WDFY3: variants seen among roughly 807,000 people sequenced by gnomAD.
The protein encoded by WDFY3 is WD repeat and FYVE domain-containing protein 3.
In WDFY3, 66 loss-of-function variants were observed where a neutral mutation model predicts 409.6. The ratio of observed to expected loss-of-function variants is 0.16; its 90% CI spans 0.13 to 0.20. WDFY3 has a LOEUF of 0.20. Among genes scored for constraint, WDFY3 ranks in the 10% least tolerant of loss-of-function variants. WDFY3 has a pLI of 1.00. For synonymous variants in WDFY3, 1,521 were observed against 1,537.1 expected (o/e 0.99, Z 0.25); for missense variants, 3,031 against 4,298.1 (o/e 0.71, Z 8.24).
intron 1 of WDFY3, among the ~76,000 whole-genome samples, chr4:84,963,996 A>T (rs1775277306): frequency 6.6e-6 from 1 of 152,274 alleles, no homozygotes; most frequent in African/African-American, 2.4e-5. Context: ...TTAGCTTTCC[A>T]AATATGGAAT....
At chr4:84,739,337 G>A (rs1395439479) in intron 39 of WDFY3, 2 of 466,996 alleles carry the variant, frequency 4.3e-6, no homozygotes, top group African/African-American at 3.9e-5. Flanking sequence ...ATAGCATCAA[G>A]ATTATTACCT....
intron 67 of WDFY3, among the ~76,000 whole-genome samples, chr4:84,676,431 A>G (rs530296709): frequency 6.6e-6 from 1 of 152,316 alleles, no homozygotes; most frequent in Non-Finnish European, 1.5e-5. Flanking sequence ...AGTATTAACT[A>G]GCACTACTGT....
intron 31 of WDFY3, 28 bp from the exon 32 acceptor site, chr4:84,766,055 C>T (rs773671884): frequency 1.3e-6 from 2 of 1,580,514 alleles, no homozygotes; most frequent in East Asian, 4.5e-5. Flanking sequence ...ATTTAAAAAA[C>T]AAAAAACAAA....
chr4:84,896,247 T>A (rs1169944202), intron 3 of WDFY3, among the ~76,000 whole-genome samples: 3 of 151,504 alleles, frequency 2.0e-5, no homozygotes, highest in South Asian at 2.1e-4. Context: ...AGAGCGACAC[T>A]ACATCTCAAA....
chr4:84,868,993 C>T (rs894876134), intron 3 of WDFY3, among the ~76,000 whole-genome samples: 10 of 152,122 alleles, frequency 6.6e-5, no homozygotes, highest in Admixed American at 3.3e-4. Flanking sequence ...GCAATACTTC[C>T]GTAAAATGTG....
intron 59 of WDFY3, among the ~76,000 whole-genome samples, 182 bp from the exon 60 acceptor site, chr4:84,691,967 G>A (rs1729345918): frequency 6.6e-6 from 1 of 152,216 alleles, no homozygotes; most frequent in Admixed American, 6.5e-5. Flanking sequence ...TGGGTGGAAT[G>A]TTCAACCTAA....
At chr4:84,753,463 G>A (rs778610485) in intron 35 of WDFY3, among the ~76,000 whole-genome samples, 4 of 152,162 alleles carry the variant, frequency 2.6e-5, no homozygotes, top group African/African-American at 4.8e-5. Flanking sequence ...CAAGAATATG[G>A]TGAATGAGAA....
intron 64 of WDFY3, among the ~76,000 whole-genome samples, chr4:84,681,794 T>A (rs908382513): frequency 1.3e-5 from 2 of 152,210 alleles, no homozygotes; most frequent in African/African-American, 2.4e-5. Flanking sequence ...ATTATGGCAT[T>A]GCTTTCAGTT....
At chr4:84,706,118 T>C (rs1054352024) in intron 53 of WDFY3, among the ~76,000 whole-genome samples, 9 of 152,208 alleles carry the variant, frequency 5.9e-5, no homozygotes, top group African/African-American at 1.9e-4. Context: ...TAAAAGTTGA[T>C]GAGTTGACCT....
At chr4:84,694,500 C>T (rs1729784468) in intron 58 of WDFY3, among the ~76,000 whole-genome samples, 1 of 152,232 alleles carries the variant, frequency 6.6e-6, no homozygotes. Flanking sequence ...TTTTTATGTT[C>T]AGAATATGTA....
intron 19 of WDFY3, 131 bp downstream of exon 19, chr4:84,796,390 C>T (rs1386920538): frequency 3.8e-6 from 2 of 531,772 alleles, no homozygotes; most frequent in African/African-American, 3.9e-5. Flanking sequence ...GCTCAAAAAA[C>T]TCAATAATTA....
chr4:84,769,895 A>G (rs1191497666), intron 30 of WDFY3, among the ~76,000 whole-genome samples: 2 of 152,156 alleles, frequency 1.3e-5, no homozygotes, highest in African/African-American at 2.4e-5. Flanking sequence ...CTCAACCTTC[A>G]GCAACCACCA....
At chr4:84,851,662 T>TCAAATC (rs1759026432) in intron 4 of WDFY3, among the ~76,000 whole-genome samples, 2 of 152,122 alleles carry the variant, frequency 1.3e-5, no homozygotes, top group South Asian at 4.1e-4. Context: ...GGCTCAAAGA[T>TCAAATC]ACAGAAGAGA....
Position 84,794,589 on chromosome 4 carries a change from A to C in WDFY3, c.3417T>G (p.Leu1139=). The change falls in exon 21 of 68, where the codon CTT becomes CTG. Residue 1139 remains leucine, a synonymous_variant. Transcript: ENST00000295888. The part of the protein sequence containing the change: ...ANSSEQHYVC[L]AIVLSAKDRS... ...GGTCTTTTGCTGATAGAACTATTGC[A>C]AGGCACACGTAATGTTGCTCAGAAG... is the stretch of plus-strand genomic sequence containing the variant. The C allele has an allele frequency of 6.2e-7, 1 of 1,614,148 alleles. No individual in the cohort carries two copies. The highest frequency in any genetic ancestry group is 1.1e-5 in the South Asian group (1 of 91,080).
At chr4:84,679,601 C>T (rs1304506887) in intron 64 of WDFY3, among the ~76,000 whole-genome samples, 1 of 152,092 alleles carries the variant, frequency 6.6e-6, no homozygotes, top group Non-Finnish European at 1.5e-5. Context: ...CAAAGGTGAG[C>T]TTCTTCACAT....
intron 1 of WDFY3, among the ~76,000 whole-genome samples, chr4:84,963,801 G>C (rs1361434678): frequency 1.3e-5 from 2 of 152,180 alleles, no homozygotes; most frequent in East Asian, 1.9e-4. Context: ...TGGCCCACCA[G>C]TGTTTGTATG....
Position 84,753,924 on chromosome 4 carries a change from T to C in WDFY3, c.5560-48A>G, listed in dbSNP as rs780761906. The C allele has an allele frequency of 3.4e-6, 5 of 1,463,922 alleles. No homozygotes were observed. The Admixed American group carries it at 1.3e-4, about 38-fold the overall frequency. The allele number at this position is 1,463,922 out of a possible 1,614,324, so 90.7% of individuals were successfully genotyped here. A position where few individuals can be genotyped will look rare whatever the true frequency, so the allele number is the denominator to read the frequency against. ...AACACTATGTTACAGTTATTGACAC[T>C]GCTATAAATTATTTTAAAAATCCAT... On this transcript the variant is annotated intron_variant, in intron 34 of 67. Transcript: ENST00000295888.
intron 19 of WDFY3, among the ~76,000 whole-genome samples, chr4:84,796,264 T>C (rs1464466037): frequency 3.3e-5 from 5 of 150,792 alleles, no homozygotes; most frequent in Non-Finnish European, 7.4e-5. Flanking sequence ...TTTGCAAAAG[T>C]GTTACTAACA....
rs1225552694 is a variant in WDFY3, at chr4:84,803,370, C to A, written c.2527G>T (p.Asp843Tyr). The part of the protein sequence containing the change: ...HVTTSSLQSS[D>Y]AVIIHPGAML... ...GCTCCAGGATGAATGATGACTGCATCAGAACTCTGCAGAGATGAAGTTGTC... is the reference window on the plus strand; with the variant it reads ...GCTCCAGGATGAATGATGACTGCATAAGAACTCTGCAGAGATGAAGTTGTC... The change falls in exon 16 of 68, where the codon GAT (aspartate) becomes TAT (tyrosine). Residue 843 changes from aspartate to tyrosine, a missense_variant. Asp to Tyr is a radical substitution (Grantham distance 160). Transcript: ENST00000295888. 4 of 1,614,076 alleles carry A rather than the reference C, an allele frequency of 2.5e-6. No individual in the cohort carries two copies.
Sources: gnomAD v4.1 joint callset for allele counts (sites outside exome capture counted in the v4.1 genomes callset) on GRCh38, gnomAD v4.1.1 for gene constraint, MANE v1.5 for transcripts, NCBI Gene and HGNC (gene_info 2026-07-23, HGNC 2026-07-21) for gene names.